BMERB1: variants seen among roughly 807,000 people sequenced by gnomAD.
BMERB1 encodes the protein bMERB domain containing 1.
A neutral mutation model predicts 23.6 loss-of-function variants in BMERB1; 12 were observed. The ratio of observed to expected loss-of-function variants is 0.51; its 90% CI spans 0.33 to 0.82. The LOEUF is 0.82. Among genes scored for constraint, BMERB1 ranks in the 40% least tolerant of loss-of-function variants. BMERB1 has a pLI of 0.03. For missense variants in BMERB1, 247 were observed against 255.4 expected (o/e 0.97, Z 0.22); for synonymous variants, 122 against 96.6 (o/e 1.26, Z -1.54).
intron 5 of BMERB1, 72 bp downstream of exon 5, chr16:15,583,310 G>T: frequency 8.0e-7 from 1 of 1,244,970 alleles, no homozygotes; most frequent in Non-Finnish European, 1.2e-6. Flanking sequence ...GCCCACAGTG[G>T]ATCACGCCTG....
chr16:15,563,076 G>C (rs947818870), intron 2 of BMERB1, among the ~76,000 whole-genome samples: 2 of 152,040 alleles, frequency 1.3e-5, no homozygotes, highest in African/African-American at 4.8e-5. Flanking sequence ...GTCTGTTCTC[G>C]CATTTCTATA....
At chr16:15,537,273 A>G (rs760277082) in intron 2 of BMERB1, among the ~76,000 whole-genome samples, 2 of 152,134 alleles carry the variant, frequency 1.3e-5, no homozygotes, top group Non-Finnish European at 2.9e-5. Flanking sequence ...AAACCAACAC[A>G]GGGTCTCCTT....
intron 2 of BMERB1, among the ~76,000 whole-genome samples, chr16:15,526,969 TTTA>T (rs200416391): frequency 0.042 from 6,210 of 147,992 alleles, 173 homozygotes; most frequent in Middle Eastern, 0.068. Context: ...TTTATTATAT[TTTA>T]TTATTATTAT....
At chr16:15,507,674 T>C (rs2051608911) in intron 1 of BMERB1, among the ~76,000 whole-genome samples, 2 of 152,206 alleles carry the variant, frequency 1.3e-5, no homozygotes, top group African/African-American at 4.8e-5. Context: ...TGCCTTCTAG[T>C]TGGAAAATGT....
intron 1 of BMERB1, among the ~76,000 whole-genome samples, chr16:15,497,998 T>A (rs182925654): frequency 3.9e-4 from 60 of 152,296 alleles, no homozygotes; most frequent in African/African-American, 1.4e-3. Flanking sequence ...GCTCAATGTG[T>A]GAATCCCCTC....
intron 1 of BMERB1, among the ~76,000 whole-genome samples, chr16:15,454,281 A>AT (rs1221287013): frequency 1.4e-4 from 21 of 152,254 alleles, no homozygotes; most frequent in South Asian, 1.2e-3. Flanking sequence ...GTCTAATGTG[A>AT]TTCAGCAAAC....
chr16:15,586,688 CCT>C, intron 5 of BMERB1, 27 bp from the exon 6 acceptor site: 2 of 1,548,214 alleles, frequency 1.3e-6, no homozygotes, highest in Non-Finnish European at 1.8e-6. Context: ...CCTTTCTCCC[CCT>C]CTCCCTGTGC....
chr16:15,444,277 C>T (rs371920259), intron 1 of BMERB1, among the ~76,000 whole-genome samples: 9 of 151,606 alleles, frequency 5.9e-5, no homozygotes, highest in African/African-American at 2.2e-4. Flanking sequence ...CTCACAAGTT[C>T]CCCCAAAAGA....
intron 2 of BMERB1, among the ~76,000 whole-genome samples, chr16:15,525,358 G>T (rs947759621): frequency 2.0e-5 from 3 of 152,066 alleles, no homozygotes; most frequent in Non-Finnish European, 4.4e-5. Flanking sequence ...GCCACCTATA[G>T]ATCTTGGGAC....
At chr16:15,470,533 C>CT (rs35036000) in intron 1 of BMERB1, among the ~76,000 whole-genome samples, 81 of 146,560 alleles carry the variant, frequency 5.5e-4, no homozygotes, top group East Asian at 1.2e-3. Flanking sequence ...TTCTTTCTTT[C>CT]TTTTTTTTTT....
Position 15,449,402 on chromosome 16 carries a change from C to T in BMERB1, c.106+14643C>T, listed in dbSNP as rs1300278697. 2.0e-5 allele frequency among the ~76,000 whole-genome samples: 3 copies of T among 152,182 alleles called. No homozygotes were observed. In the South Asian group the frequency reaches 6.2e-4, roughly 32 times the overall value. ...AAGGAGGGAGGGAAGAGTTGAAACACTACCTGTTAGGTACTTTGCTCATTA... is the reference window on the plus strand; with the variant it reads ...AAGGAGGGAGGGAAGAGTTGAAACATTACCTGTTAGGTACTTTGCTCATTA... On this transcript the variant is annotated intron_variant, in intron 1 of 5. Coordinates refer to ENST00000300006, the MANE Select transcript of BMERB1 (RefSeq NM_033201.3).
intron 2 of BMERB1, among the ~76,000 whole-genome samples, chr16:15,516,971 A>G (rs2051768729): frequency 6.6e-6 from 1 of 152,038 alleles, no homozygotes; most frequent in Admixed American, 6.6e-5. Flanking sequence ...ACGTTATATG[A>G]CCTTCCCTCT....
At chr16:15,568,531 G>A (rs890359026) in intron 3 of BMERB1, among the ~76,000 whole-genome samples, 5 of 151,960 alleles carry the variant, frequency 3.3e-5, no homozygotes, top group East Asian at 1.9e-4. Context: ...CCAGGTAACC[G>A]GCAGGCTGAG....
chr16:15,437,843 A>T (rs901787370), intron 1 of BMERB1, among the ~76,000 whole-genome samples: 1 of 151,970 alleles, frequency 6.6e-6, no homozygotes, highest in Admixed American at 6.6e-5. Flanking sequence ...CTATTGTCCC[A>T]GCTGCCGGGG....
At chr16:15,468,670 G>A (rs770235754) in intron 1 of BMERB1, among the ~76,000 whole-genome samples, 2 of 152,084 alleles carry the variant, frequency 1.3e-5, no homozygotes, top group Non-Finnish European at 2.9e-5. Flanking sequence ...CTCTTTTGCA[G>A]AGCAAAGGTT....
In BMERB1 at chr16:15,447,368, G is replaced by A. The variant is rs571868085; in HGVS notation, c.106+12609G>A. ...GATACTTATCAAACAACCAGATCTC[G>A]TGAGAACTCACTCAGTATCATGAGA... On this transcript the variant is annotated intron_variant, in intron 1 of 5. Transcript: ENST00000300006. Among the ~76,000 whole-genome samples, 6 of 152,228 alleles carry A rather than the reference G, an allele frequency of 3.9e-5. No homozygotes were observed. In the East Asian group the frequency reaches 5.8e-4, roughly 15 times the overall value.
In BMERB1 at chr16:15,544,229, C is replaced by T. The variant is rs369944485; in HGVS notation, c.231-23754C>T. 1.1e-4 allele frequency among the ~76,000 whole-genome samples: 17 copies of T among 152,252 alleles called. No individual in the cohort carries two copies. In the East Asian group the frequency reaches 1.9e-3, roughly 17 times the overall value. On this transcript the variant is annotated intron_variant, in intron 2 of 5. Transcript: ENST00000300006. ...GTCCACTTTTTAAATGCCCTTGGAG[C>T]GAGCTTTACCATTTTACTGGTTCCC... is the stretch of plus-strand genomic sequence containing the variant.
chr16:15,465,698 T>G (rs1598453826), intron 1 of BMERB1, among the ~76,000 whole-genome samples: 1 of 152,196 alleles, frequency 6.6e-6, no homozygotes, highest in East Asian at 1.9e-4. Flanking sequence ...AAACAAAACC[T>G]TAAAGATTCA....
At chr16:15,509,958 C>T (rs1029350367) in intron 1 of BMERB1, among the ~76,000 whole-genome samples, 4 of 152,052 alleles carry the variant, frequency 2.6e-5, no homozygotes, top group Non-Finnish European at 5.9e-5. Context: ...CAGAGCCACC[C>T]GGAGGAAGAA....
Sources: gnomAD v4.1 joint callset for allele counts (sites outside exome capture counted in the v4.1 genomes callset) on GRCh38, gnomAD v4.1.1 for gene constraint, MANE v1.5 for transcripts, NCBI Gene and HGNC (gene_info 2026-07-23, HGNC 2026-07-21) for gene names.